The following CAMTA1 variants were observed in gnomAD, a reference collection of about 807,000 sequenced individuals.
CAMTA1 encodes the protein calmodulin binding transcription activator 1.
CAMTA1 carries 27 observed loss-of-function variants against 170.9 expected under a neutral mutation model. That is an observed-to-expected ratio of 0.16 (90% CI 0.12 to 0.22). The LOEUF is 0.22. Among genes scored for constraint, CAMTA1 ranks in the 10% least tolerant of loss-of-function variants. The pLI is 1.00. For synonymous variants in CAMTA1, 833 were observed against 891.5 expected (o/e 0.93, Z 1.17); for missense variants, 1,619 against 2,217.2 (o/e 0.73, Z 5.42).
In CAMTA1 at chr1:7,592,286, C is replaced by T. The variant is rs2095360973; in HGVS notation, c.511-48114C>T. Among the ~76,000 whole-genome samples the T allele has an allele frequency of 6.6e-6, 1 of 152,186 alleles. No homozygotes were observed. The highest frequency in any genetic ancestry group is 1.5e-5 in the Non-Finnish European group (1 of 68,044). On this transcript the variant is annotated intron_variant, in intron 6 of 22. Coordinates refer to ENST00000303635, the MANE Select transcript of CAMTA1 (RefSeq NM_015215.4). This position sits in a 1 kb window ranked among gnomAD's most constrained non-coding sequence, Gnocchi z 4.6. The stretch of plus-strand genomic sequence containing the variant: ...CCATCACTGTCCTTGCCATCACTGT[C>T]CTTCCCCTTTGTGCTAGCTCACCGG...
At chr1:7,163,056 A>C (rs777484720) in intron 4 of CAMTA1, among the ~76,000 whole-genome samples, 6 of 151,930 alleles carry the variant, frequency 3.9e-5, no homozygotes, top group Non-Finnish European at 8.8e-5. Context: ...CTCTGCCTTC[A>C]AGATTGTGTA....
chr1:7,482,940 C>T lies in CAMTA1; in HGVS notation c.510+15039C>T, dbSNP rs74053039. Among the ~76,000 whole-genome samples the T allele has an allele frequency of 0.07, 10,698 of 152,120 alleles. 493 individuals carry two copies. Among genetic ancestry groups the T allele is most frequent in the South Asian group, 0.14 (651 of 4,808 alleles). On this transcript the variant is annotated intron_variant, in intron 6 of 22. Transcript: ENST00000303635. This position sits in a 1 kb window ranked among gnomAD's most constrained non-coding sequence, Gnocchi z 4.2. ...GAGTGATGTGAGCTGTAAATGTGCC[C>T]AGGCCCCACCCCATGTCATCCCAGG...
intron 5 of CAMTA1, among the ~76,000 whole-genome samples, chr1:7,283,813 C>T (rs1671851474): frequency 1.3e-5 from 2 of 152,222 alleles, no homozygotes; most frequent in African/African-American, 4.8e-5. Flanking sequence ...GCTACCACCA[C>T]CAGGACATCA....
At chr1:7,720,437 A>T (rs2096642094) in intron 11 of CAMTA1, among the ~76,000 whole-genome samples, 1 of 152,140 alleles carries the variant, frequency 6.6e-6, no homozygotes, top group African/African-American at 2.4e-5. Context: ...GCTGGAGTGC[A>T]GTGGTGCAAT....
At chr1:6,793,073 A>G (rs1045298301) in intron 1 of CAMTA1, among the ~76,000 whole-genome samples, 2 of 151,498 alleles carry the variant, frequency 1.3e-5, no homozygotes, top group African/African-American at 4.8e-5. Flanking sequence ...CCACTCTTAT[A>G]TATATCTTAT....
chr1:7,675,051 GGAA>G (rs1293274433), intron 10 of CAMTA1, among the ~76,000 whole-genome samples: 1 of 152,170 alleles, frequency 6.6e-6, no homozygotes, highest in African/African-American at 2.4e-5. Flanking sequence ...AGGTCACCTG[GGAA>G]GAAGGAGGTT....
chr1:6,888,712 G>C (rs1276529741), intron 3 of CAMTA1, among the ~76,000 whole-genome samples: 1 of 152,228 alleles, frequency 6.6e-6, no homozygotes. Flanking sequence ...TTTTGTTCCA[G>C]ATACCTCCAC....
chr1:7,411,217 C>T (rs990676065), intron 5 of CAMTA1, among the ~76,000 whole-genome samples: 6 of 152,144 alleles, frequency 3.9e-5, no homozygotes, highest in African/African-American at 9.7e-5. Context: ...CGCGTCGGAC[C>T]CTGGGATGGC....
At chr1:7,527,160 G>A (rs2094441186) in intron 6 of CAMTA1, among the ~76,000 whole-genome samples, 1 of 152,222 alleles carries the variant, frequency 6.6e-6, no homozygotes, top group Admixed American at 6.5e-5. Flanking sequence ...ACCATGATCA[G>A]CTTTATATCT....
intron 3 of CAMTA1, among the ~76,000 whole-genome samples, chr1:6,973,140 C>T (rs570301930): frequency 7.2e-5 from 11 of 152,360 alleles, no homozygotes; most frequent in Non-Finnish European, 1.0e-4. Flanking sequence ...GCATGAGCCA[C>T]CACGCCTAGC....
At chr1:6,873,330 A>T (rs1268137467) in intron 3 of CAMTA1, among the ~76,000 whole-genome samples, 1 of 151,748 alleles carries the variant, frequency 6.6e-6, no homozygotes, top group Non-Finnish European at 1.5e-5. Context: ...TTTTTGCCTT[A>T]AGTATGTCCT....
chr1:7,232,855 C>CT, intron 4 of CAMTA1, among the ~76,000 whole-genome samples: 1 of 152,200 alleles, frequency 6.6e-6, no homozygotes, highest in East Asian at 1.9e-4. Flanking sequence ...CGCGTGCAGC[C>CT]TTATTCCCTT....
intron 6 of CAMTA1, among the ~76,000 whole-genome samples, chr1:7,601,023 T>C (rs1047704479): frequency 9.9e-5 from 15 of 152,016 alleles, no homozygotes; most frequent in Non-Finnish European, 2.1e-4. Flanking sequence ...GGGTGGTGGC[T>C]GGGCAGAGGG....
chr1:7,473,380 C>A (rs1249784177), intron 6 of CAMTA1, among the ~76,000 whole-genome samples: 1 of 152,212 alleles, frequency 6.6e-6, no homozygotes, highest in African/African-American at 2.4e-5. Flanking sequence ...GGCAGAGGGA[C>A]CGGCAGTCCT....
At chr1:6,929,432 A>G (rs943798419) in intron 3 of CAMTA1, among the ~76,000 whole-genome samples, 2 of 151,030 alleles carry the variant, frequency 1.3e-5, no homozygotes, top group Non-Finnish European at 2.9e-5. Flanking sequence ...GCGTGATCTC[A>G]GCTCACTGCT....
At chr1:7,337,691 C>T (rs1034290403) in intron 5 of CAMTA1, among the ~76,000 whole-genome samples, 1 of 147,514 alleles carries the variant, frequency 6.8e-6, no homozygotes, top group Non-Finnish European at 1.5e-5. Flanking sequence ...CGGTGGGCCT[C>T]ATCCAGTCAC....
At chr1:7,149,375 G>A (rs546730431) in intron 4 of CAMTA1, among the ~76,000 whole-genome samples, 1 of 152,292 alleles carries the variant, frequency 6.6e-6, no homozygotes, top group African/African-American at 2.4e-5. Context: ...AGACTCTCAC[G>A]CAAGGGACTT....
intron 5 of CAMTA1, chr1:7,389,422 C>T (rs1231966004): frequency 6.6e-6 from 1 of 152,436 alleles, no homozygotes; most frequent in Non-Finnish European, 1.5e-5. Flanking sequence ...GTGAACACGA[C>T]CCTGTCCCCT....
At chr1:6,914,701 T>C (rs78579170) in intron 3 of CAMTA1, among the ~76,000 whole-genome samples, 3,864 of 152,268 alleles carry the variant, frequency 0.025, 170 homozygotes, top group African/African-American at 0.089. Context: ...TTTCCCTCTT[T>C]AAGGCCAGGT....
Sources: allele counts gnomAD v4.1 joint callset (sites outside exome capture counted in the v4.1 genomes callset), GRCh38; gene constraint gnomAD v4.1.1; non-coding constraint Gnocchi (gnomAD v3.1); transcripts MANE v1.5; gene names NCBI Gene and HGNC (gene_info 2026-07-23, HGNC 2026-07-21).